The following PRR12 variants were observed in gnomAD, a reference collection of about 807,000 sequenced individuals.
PRR12 encodes proline rich 12, also known as proline-rich protein 12.
Under a neutral mutation model 138.0 loss-of-function variants are expected in PRR12, and 12 were observed. That is an observed-to-expected ratio of 0.09 (90% confidence interval 0.06 to 0.14). The LOEUF is 0.14. PRR12 is among the 10% of genes least tolerant of loss of function. The pLI, the probability that PRR12 is intolerant of heterozygous loss-of-function variation, is 1.00. For missense variants in PRR12, 2,692 were observed against 2,861.3 expected, an observed-to-expected ratio of 0.94 and a Z score of 1.35; for synonymous variants, 1,567 against 1,291.7, an observed-to-expected ratio of 1.21 and a Z score of -4.57.
chr19:49,618,127 A>G (rs2080902452), intron 9 of PRR12, among the ~76,000 whole-genome samples: 3 of 152,112 alleles, frequency 2.0e-5, no homozygotes, highest in African/African-American at 7.2e-5. Flanking sequence ...GAATGAATGA[A>G]TGGCTCTTTT....
intron 9 of PRR12, 23 bp from the exon 10 acceptor site, chr19:49,620,329 C>T: frequency 1.2e-6 from 2 of 1,612,320 alleles, no homozygotes; most frequent in Non-Finnish European, 1.7e-6. Flanking sequence ...GGATAACGAG[C>T]CTGCGTCCTG....
rs377269224 is a variant in PRR12 at position 49,599,494 on chromosome 19, G to A, written c.3901G>A (p.Ala1301Thr). ...SGKRHPPLYQ[A>T]GLTPPLSPPK... ...CAAGCGCCACCCACCACTCTACCAG[G>A]CGGGCCTGACGCCTCCGCTCAGCCC... is the stretch of plus-strand genomic sequence containing the variant. Residue 1301 changes from alanine to threonine, a missense_variant, in exon 5 of 14, where the codon GCG becomes ACG. Ala to Thr is a moderately conservative substitution (Grantham distance 58). Around this residue, in one of 11 missense-constraint regions of PRR12, gnomAD observed 326 missense variants for 344.2 expected, o/e 0.95. Coordinates refer to ENST00000418929, the MANE Select transcript of PRR12 (RefSeq NM_020719.3). This position sits in a 1 kb window ranked among gnomAD's most constrained non-coding sequence, Gnocchi z 5.0. 1.2e-6 allele frequency: 2 copies of A among 1,600,738 alleles called. No homozygotes were observed. Among genetic ancestry groups the A allele is most frequent in the African/African-American group, 1.3e-5 (1 of 74,660 alleles).
intron 11 of PRR12, among the ~76,000 whole-genome samples, chr19:49,623,848 T>C (rs1469006253): frequency 1.6e-5 from 2 of 122,238 alleles, no homozygotes; most frequent in Admixed American, 8.9e-5. Flanking sequence ...AGGATGGGGC[T>C]GGGAATTCTG....
At position 49,599,946 on chromosome 19, in the gene PRR12, C is replaced by G. The variant is rs1224295410; in HGVS notation, c.4345+8C>G. The G allele has an allele frequency of 1.3e-6, 2 of 1,587,004 alleles. No homozygotes were observed. Among genetic ancestry groups the G allele is most frequent in the Admixed American group, 1.8e-5 (1 of 57,128 alleles). On this transcript the variant is annotated splice_region_variant and intron_variant, in intron 5 of 13. Coordinates refer to ENST00000418929, the MANE Select transcript of PRR12 (RefSeq NM_020719.3). The surrounding 1 kb of genome is among the most constrained non-coding windows in gnomAD (Gnocchi z 5.0). ...ACAGCAATGGCACTCCCGGTGAGCT[C>G]TGGGCAGGTGGTCTGGGAGTAGAGC...
At chr19:49,593,483 C>A in intron 2 of PRR12, 44 bp downstream of exon 2, 1 of 857,672 alleles carries the variant, frequency 1.2e-6, no homozygotes. Context: ...CCCTCCCCCT[C>A]CCCCCGAGGC....
At chr19:49,593,655 G>A (rs563310264) in intron 2 of PRR12, among the ~76,000 whole-genome samples, 5 of 151,338 alleles carry the variant, frequency 3.3e-5, no homozygotes, top group East Asian at 3.9e-4. Context: ...CTCCCCTTTC[G>A]CTCCAATTGG....
intron 6 of PRR12, among the ~76,000 whole-genome samples, chr19:49,611,107 G>T (rs916932594): frequency 6.6e-6 from 1 of 151,846 alleles, no homozygotes; most frequent in South Asian, 2.1e-4. Flanking sequence ...CTTCCAAAGC[G>T]TTGGGATTAC....
Position 49,597,446 on chromosome 19 carries a change from G to T in PRR12, c.3111G>T (p.Ala1037=), listed in dbSNP as rs1232372748. 6.5e-7 allele frequency: 1 copy of T among 1,538,782 alleles called. No individual in the cohort carries two copies. The highest frequency in any genetic ancestry group is 1.2e-5 in the South Asian group (1 of 83,948). Residue 1037 remains alanine (A), a synonymous_variant, in exon 4 of 14, where the codon GCG becomes GCT. Coordinates refer to ENST00000418929, the MANE Select transcript of PRR12 (RefSeq NM_020719.3). The surrounding 1 kb of genome is among the most constrained non-coding windows in gnomAD (Gnocchi z 6.3). ...LGLIQSGPHQ[A]APPPPPPPPP... ...TGATCCAGAGTGGCCCCCACCAGGC[G>T]GCGCCACCACCCCCGCCTCCGCCAC...
Position 49,597,455 on chromosome 19 carries a change from ACCCCCG to A in PRR12, c.3123_3128del (p.Pro1048_Pro1049del). On this transcript the variant is annotated inframe_deletion, in exon 4 of 14. Coordinates refer to ENST00000418929, the MANE Select transcript of PRR12 (RefSeq NM_020719.3). The surrounding 1 kb of genome is among the most constrained non-coding windows in gnomAD (Gnocchi z 6.3). The stretch of plus-strand genomic sequence containing the variant: ...GTGGCCCCCACCAGGCGGCGCCACC[ACCCCCG>A]CCTCCGCCACCGCCGCCTCCCGCGC... 1 of 1,539,702 alleles carries A rather than the reference ACCCCCG, an allele frequency of 6.5e-7. No individual in the cohort carries two copies. Among genetic ancestry groups the A allele is most frequent in the Non-Finnish European group, 8.7e-7 (1 of 1,145,640 alleles).
At chr19:49,604,874 A>G (rs775073271) in intron 6 of PRR12, among the ~76,000 whole-genome samples, 20 of 152,044 alleles carry the variant, frequency 1.3e-4, no homozygotes, top group Non-Finnish European at 2.6e-4. Flanking sequence ...TTTTTCTGAG[A>G]CAGGGTCTCC....
intron 6 of PRR12, among the ~76,000 whole-genome samples, chr19:49,602,237 G>A (rs2080816498): frequency 6.6e-6 from 1 of 152,146 alleles, no homozygotes; most frequent in South Asian, 2.1e-4. Flanking sequence ...GCTGTGGGTG[G>A]TAGAGGACCA....
In PRR12 at chr19:49,599,844, C is replaced by T. The variant is rs2080799688; in HGVS notation, c.4251C>T (p.Ser1417=). 6 of 1,613,224 alleles carry T rather than the reference C, an allele frequency of 3.7e-6. No homozygotes were observed. The South Asian group carries it at 4.4e-5, about 12-fold the overall frequency. The change falls in exon 5 of 14, where the codon TCC becomes TCT. Residue 1417 remains serine, a synonymous_variant. Coordinates refer to ENST00000418929, the MANE Select transcript of PRR12 (RefSeq NM_020719.3). This position sits in a 1 kb window ranked among gnomAD's most constrained non-coding sequence, Gnocchi z 5.0. ...CCCTTGCTGGGCCAAAAGACACTTC[C>T]ACCCCAGATGGGCCGCCCTTGGCCC... ...DPPLAGPKDT[S]TPDGPPLAPA...
intron 4 of PRR12, among the ~76,000 whole-genome samples, chr19:49,598,686 G>T (rs1440535709): frequency 6.6e-6 from 1 of 152,136 alleles, no homozygotes; most frequent in Non-Finnish European, 1.5e-5. Context: ...GCCAGGTGTG[G>T]CTGCGTGTAC....
At position 49,596,734 on chromosome 19, in the gene PRR12, A is replaced by G. The variant is rs768421430; in HGVS notation, c.2399A>G (p.Gln800Arg). 1.2e-4 allele frequency: 188 copies of G among 1,552,024 alleles called. 2 individuals are homozygous for G. The South Asian group carries it at 2.0e-3, about 17-fold the overall frequency. Reference sequence around the variant, plus strand: ...CTGGTGCTGCCTCCGCCTCCCCCCCAGCTGCTCCCCTCGGTCCTCAGCCAT... The same window carrying G: ...CTGGTGCTGCCTCCGCCTCCCCCCCGGCTGCTCCCCTCGGTCCTCAGCCAT... The part of the protein sequence containing the change: ...LPLVLPPPPP[Q>R]LLPSVLSHAP... The change falls in exon 4 of 14, where the codon CAG becomes CGG. Residue 800 changes from glutamine (Q) to arginine (R), a missense_variant. Gln to Arg is a conservative substitution (Grantham distance 43). Around this residue, in one of 11 missense-constraint regions of PRR12, gnomAD observed 840 missense variants for 689.8 expected, o/e 1.22. Coordinates refer to ENST00000418929, the MANE Select transcript of PRR12 (RefSeq NM_020719.3). This position sits in a 1 kb window ranked among gnomAD's most constrained non-coding sequence, Gnocchi z 5.6.
chr19:49,592,230 C>T (rs1030798134), intron 1 of PRR12, among the ~76,000 whole-genome samples: 2 of 152,236 alleles, frequency 1.3e-5, no homozygotes, highest in Non-Finnish European at 2.9e-5. Context: ...ATTCCGCGCG[C>T]AGAGTGGGCA....
Position 49,616,100 on chromosome 19 carries a change from C to A in PRR12, c.5378C>A (p.Pro1793Gln), listed in dbSNP as rs1161611891. 2 of 1,567,186 alleles carry A rather than the reference C, an allele frequency of 1.3e-6. No individual in the cohort carries two copies. The highest frequency in any genetic ancestry group is 1.4e-5 in the African/African-American group (1 of 73,620). ...KARPTKVKAE[P>Q]PPKKRKKWLK... is the part of the protein sequence containing the mutation. ...CGGCCTACCAAGGTGAAGGCTGAAC[C>A]GCCCCCTAAGAAGAGGAAGAAATGG... is the stretch of plus-strand genomic sequence containing the variant. Residue 1793 changes from proline to glutamine, a missense_variant, in exon 9 of 14, where the codon CCG (proline) becomes CAG (glutamine). By Grantham distance (76) the Pro-to-Gln change is moderately conservative. Coordinates refer to ENST00000418929, the MANE Select transcript of PRR12 (RefSeq NM_020719.3). This position sits in a 1 kb window ranked among gnomAD's most constrained non-coding sequence, Gnocchi z 4.2.
At chr19:49,593,254 CG>C (rs1415256828) in intron 1 of PRR12, 72 bp from the exon 2 acceptor site, 5 of 738,020 alleles carry the variant, frequency 6.8e-6, no homozygotes, top group Non-Finnish European at 6.8e-6. Context: ...CCCAACTCCC[CG>C]GGGGGTTTTC....
At chr19:49,593,240 T>C in intron 1 of PRR12, 87 bp from the exon 2 acceptor site, 6 of 376,592 alleles carry the variant, frequency 1.6e-5, no homozygotes, top group South Asian at 4.2e-5. Flanking sequence ...GCTGGAAGGG[T>C]CCCCCCAACT....
chr19:49,595,181 G>T lies in PRR12; in HGVS notation c.846G>T (p.Leu282=). Residue 282 remains leucine, a synonymous_variant, in exon 4 of 14, where the codon CTG becomes CTT. Transcript: ENST00000418929. ...GCCCACCGCCGCCTGAGCGGGCCCT[G>T]CCACGCCAGGACACGGTCATCAAGC... ...APGPPPPERA[L]PRQDTVIKHY... The T allele has an allele frequency of 6.2e-7, 1 of 1,608,060 alleles. No homozygotes were observed. Among genetic ancestry groups the T allele is most frequent in the Non-Finnish European group, 8.5e-7 (1 of 1,178,446 alleles).
Sources: gnomAD v4.1 joint callset for allele counts (sites outside exome capture counted in the v4.1 genomes callset) on GRCh38, gnomAD v4.1.1 for gene constraint, gnomAD v4.1.1 regional missense constraint, Gnocchi (gnomAD v3.1) non-coding constraint, MANE v1.5 for transcripts, NCBI Gene and HGNC (gene_info 2026-07-23, HGNC 2026-07-21) for gene names.